Variants in MAMDC2 observed in about 807,000 individuals in gnomAD.
The protein encoded by MAMDC2 is MAM domain-containing protein 2.
Under a neutral mutation model 89.8 loss-of-function variants are expected in MAMDC2, and 57 were observed. That is an observed-to-expected ratio of 0.63 (90% CI 0.51 to 0.79). MAMDC2 has a LOEUF of 0.79. MAMDC2 is among the 30% of genes least tolerant of loss of function. The pLI, the probability that MAMDC2 is intolerant of heterozygous loss-of-function variation, is 0.00. For missense variants in MAMDC2, 800 were observed against 820.6 expected (o/e 0.97, Z 0.31); for synonymous variants, 313 against 293.4 (o/e 1.07, Z -0.68).
chr9:70,094,629 A>G (rs1827983217), intron 2 of MAMDC2, among the ~76,000 whole-genome samples: 1 of 152,176 alleles, frequency 6.6e-6, no homozygotes, highest in East Asian at 1.9e-4. Context: ...AATAAAAAAG[A>G]GTTTTAATGT....
At chr9:70,092,426 T>G (rs1039168663) in intron 2 of MAMDC2, 1 of 152,178 alleles carries the variant, frequency 6.6e-6, no homozygotes, top group African/African-American at 2.4e-5. Flanking sequence ...GTTACTTACA[T>G]AGACATGTAG....
At chr9:70,192,770 A>T (rs2032906883) in intron 11 of MAMDC2, among the ~76,000 whole-genome samples, 1 of 152,092 alleles carries the variant, frequency 6.6e-6, no homozygotes, top group African/African-American at 2.4e-5. Context: ...CTGCAACGGG[A>T]TTTTGCAGTA....
chr9:70,177,315 CAG>C (rs2032529631), intron 11 of MAMDC2, among the ~76,000 whole-genome samples: 2 of 152,134 alleles, frequency 1.3e-5, no homozygotes, highest in African/African-American at 2.4e-5. Flanking sequence ...GACTCACAGG[CAG>C]AGAGTGTAGA....
intron 11 of MAMDC2, among the ~76,000 whole-genome samples, chr9:70,205,680 T>G (rs749986276): frequency 2.0e-5 from 3 of 152,190 alleles, no homozygotes; most frequent in Non-Finnish European, 2.9e-5. Context: ...ACCCCCATCT[T>G]GAATGTTAAA....
chr9:70,066,692 T>C (rs1250996534), intron 2 of MAMDC2, among the ~76,000 whole-genome samples: 1 of 152,200 alleles, frequency 6.6e-6, no homozygotes, highest in East Asian at 1.9e-4. Context: ...CTTTTTCTAA[T>C]TGGCATCCCA....
At chr9:70,180,384 C>T (rs969457866) in intron 11 of MAMDC2, among the ~76,000 whole-genome samples, 6 of 152,046 alleles carry the variant, frequency 3.9e-5, no homozygotes, top group African/African-American at 9.7e-5. Context: ...TACCCAGTAA[C>T]GGGATTGTTG....
intron 9 of MAMDC2, among the ~76,000 whole-genome samples, chr9:70,164,124 G>A (rs2032084510): frequency 6.6e-6 from 1 of 152,086 alleles, no homozygotes. Context: ...AATGTCTGAA[G>A]AAGTTTTTGA....
At chr9:70,170,429 G>C (rs371999455) in intron 10 of MAMDC2, 50 bp from the exon 11 acceptor site, 5 of 1,549,620 alleles carry the variant, frequency 3.2e-6, no homozygotes, top group Non-Finnish European at 2.6e-6. Flanking sequence ...TAGCAACACA[G>C]AGTCATTGAA....
chr9:70,226,032 A>C lies in MAMDC2; in HGVS notation c.2061A>C (p.Ter687TyrextTer30). The C allele has an allele frequency of 6.5e-7, 1 of 1,547,188 alleles. No homozygotes were observed. Among genetic ancestry groups the C allele is most frequent in the East Asian group, 2.3e-5 (1 of 44,050 alleles). ...YSEDLNEIEY[*>Y] is the part of the protein sequence containing the mutation. ...AGGACTTAAATGAAATTGAGTATTA[A>C]GAAATGATCTGCATTGGATTTACTA... The change falls in exon 14 of 14, where the codon TAA (stop) becomes TAC (tyrosine). Residue 687 changes from the stop codon to tyrosine (Y), a stop_lost. Coordinates refer to ENST00000377182, the MANE Select transcript of MAMDC2 (RefSeq NM_153267.5).
chr9:70,084,456 G>T (rs1461501029), intron 2 of MAMDC2, among the ~76,000 whole-genome samples: 1 of 152,020 alleles, frequency 6.6e-6, no homozygotes, highest in East Asian at 1.9e-4. Context: ...CTCAGAGCTG[G>T]TTCCACGTCA....
intron 12 of MAMDC2, among the ~76,000 whole-genome samples, chr9:70,219,811 T>C (rs369815776): frequency 3.9e-5 from 6 of 152,336 alleles, no homozygotes; most frequent in Admixed American, 2.6e-4. Context: ...ACTAATATAA[T>C]TGATCATTAT....
intron 2 of MAMDC2, among the ~76,000 whole-genome samples, chr9:70,093,109 C>G (rs1827943086): frequency 6.6e-6 from 1 of 151,952 alleles, no homozygotes; most frequent in Admixed American, 6.6e-5. Flanking sequence ...ATTTATGTAT[C>G]TGTACTATAG....
At position 70,170,496 on chromosome 9, in the gene MAMDC2, C is replaced by T. The variant is rs996217698; in HGVS notation, c.1516C>T (p.Pro506Ser). The change falls in exon 11 of 14, where the codon CCT becomes TCT. Residue 506 changes from proline (P) to serine (S), a missense_variant. Physicochemically the swap from Pro to Ser is moderately conservative, Grantham distance 74. Transcript: ENST00000377182. ...TCTTGCAGAGAAACTTCCACCTCCA[C>T]CTGGAGAGTGTACTTTCGAGCAAGA... ...CSSSEKLPPP[P>S]GECTFEQDEC... The T allele has an allele frequency of 4.3e-6, 7 of 1,609,964 alleles. No homozygotes were observed. Among genetic ancestry groups the T allele is most frequent in the African/African-American group, 4.0e-5 (3 of 74,732 alleles).
In MAMDC2 at chr9:70,108,356, C is replaced by A. The variant is rs1162612422; in HGVS notation, c.294C>A (p.Ser98Arg). Residue 98 changes from serine to arginine, a missense_variant, in exon 3 of 14, where the codon AGC becomes AGA. Coordinates refer to ENST00000377182, the MANE Select transcript of MAMDC2 (RefSeq NM_153267.5). ...CTTCGGAGTCTCTGTCAGATCCCAG[C>A]CAGCTGAACCTCTACATGAGATTTG... Reference protein sequence around the residue: ...TTSSESLSDPSQLNLYMRFED... With the variant: ...TTSSESLSDPRQLNLYMRFED... 1.2e-6 allele frequency: 2 copies of A among 1,614,102 alleles called. No individual in the cohort carries two copies. The highest frequency in any genetic ancestry group is 3.3e-5 in the Admixed American group (2 of 60,028).
At chr9:70,051,478 A>C (rs1826892003) in intron 2 of MAMDC2, among the ~76,000 whole-genome samples, 1 of 152,228 alleles carries the variant, frequency 6.6e-6, no homozygotes. Context: ...TTTAGCCTAT[A>C]GTTACCATGT....
chr9:70,170,250 ATTT>A (rs2032292852), intron 10 of MAMDC2: 3 of 399,368 alleles, frequency 7.5e-6, no homozygotes, highest in Non-Finnish European at 8.8e-6. Context: ...GTAGCCCAGT[ATTT>A]TAGATCTGTA....
intron 11 of MAMDC2, among the ~76,000 whole-genome samples, chr9:70,214,909 T>C (rs1414617635): frequency 1.3e-5 from 2 of 152,208 alleles, no homozygotes; most frequent in Non-Finnish European, 2.9e-5. Context: ...GTTTTGAATA[T>C]GCTCAGTGTG....
At chr9:70,139,710 T>G (rs1156406613) in intron 7 of MAMDC2, among the ~76,000 whole-genome samples, 3 of 152,210 alleles carry the variant, frequency 2.0e-5, no homozygotes, top group Non-Finnish European at 4.4e-5. Flanking sequence ...ACTTCCACAA[T>G]GGTTGAACTA....
At chr9:70,118,786 A>T (rs1304146886) in intron 5 of MAMDC2, among the ~76,000 whole-genome samples, 1 of 152,190 alleles carries the variant, frequency 6.6e-6, no homozygotes, top group Non-Finnish European at 1.5e-5. Context: ...AACTGCAGAG[A>T]AGGTTGAGGG....
Sources: allele counts gnomAD v4.1 joint callset (sites outside exome capture counted in the v4.1 genomes callset), GRCh38; gene constraint gnomAD v4.1.1; transcripts MANE v1.5; gene names NCBI Gene and HGNC (gene_info 2026-07-23, HGNC 2026-07-21).